CMIP: variants seen among roughly 807,000 people sequenced by gnomAD.
CMIP encodes c-Maf inducing protein.
A neutral mutation model predicts 97.3 loss-of-function variants in CMIP; 13 were observed. The ratio of observed to expected loss-of-function variants is 0.13; its 90% CI spans 0.09 to 0.21. CMIP has a LOEUF of 0.21. CMIP is among the 10% of genes least tolerant of loss of function. The pLI is 1.00. For missense variants in CMIP, 847 were observed against 1,024.9 expected (o/e 0.83, Z 2.37); for synonymous variants, 538 against 436.3 (o/e 1.23, Z -2.91).
At chr16:81,518,201 C>T (rs1240917911) in intron 1 of CMIP, 1 of 152,232 alleles carries the variant, frequency 6.6e-6, no homozygotes, top group East Asian at 1.9e-4. Context: ...ATTTGGCTCT[C>T]ACTTTGGTCG....
chr16:81,669,730 C>T (rs1307400623), intron 7 of CMIP, among the ~76,000 whole-genome samples: 1 of 149,728 alleles, frequency 6.7e-6, no homozygotes, highest in Non-Finnish European at 1.5e-5. Context: ...CTCACACTCA[C>T]CTCCTTCCAC....
At chr16:81,485,075 G>A (rs1384290588) in intron 1 of CMIP, among the ~76,000 whole-genome samples, 1 of 152,134 alleles carries the variant, frequency 6.6e-6, no homozygotes, top group Non-Finnish European at 1.5e-5. Flanking sequence ...CACCCCCAGA[G>A]GTTGAGATTC....
At chr16:81,540,392 T>G (rs2090425806) in intron 1 of CMIP, among the ~76,000 whole-genome samples, 1 of 152,144 alleles carries the variant, frequency 6.6e-6, no homozygotes, top group Non-Finnish European at 1.5e-5. Flanking sequence ...AGCCTTGACC[T>G]CCCAGGCTCA....
intron 1 of CMIP, among the ~76,000 whole-genome samples, chr16:81,605,186 G>C (rs1258078545): frequency 6.6e-6 from 1 of 152,182 alleles, no homozygotes; most frequent in Non-Finnish European, 1.5e-5. Context: ...ACAGTGCACG[G>C]GATGCTGGAA....
At chr16:81,660,116 G>A (rs570107023) in intron 5 of CMIP, among the ~76,000 whole-genome samples, 4 of 151,936 alleles carry the variant, frequency 2.6e-5, no homozygotes, top group Non-Finnish European at 4.4e-5. Context: ...GCTGTGGTCC[G>A]GCTCACTATG....
At chr16:81,569,967 TCA>T (rs2091054936) in intron 1 of CMIP, among the ~76,000 whole-genome samples, 1 of 152,114 alleles carries the variant, frequency 6.6e-6, no homozygotes, top group Non-Finnish European at 1.5e-5. Flanking sequence ...ATTCATTCAT[TCA>T]TTCATTCAGC....
intron 9 of CMIP, among the ~76,000 whole-genome samples, chr16:81,677,728 C>G (rs1173262908): frequency 6.6e-6 from 1 of 152,180 alleles, no homozygotes; most frequent in African/African-American, 2.4e-5. Flanking sequence ...TGGAGGGTTA[C>G]CCAGGAGGAG....
intron 3 of CMIP, among the ~76,000 whole-genome samples, chr16:81,650,416 T>C (rs1318969697): frequency 6.6e-6 from 1 of 151,242 alleles, no homozygotes; most frequent in Non-Finnish European, 1.5e-5. Flanking sequence ...ATGAAAGAAC[T>C]AGAGAGAAGG....
At chr16:81,688,660 CTG>C (rs1282511136) in intron 10 of CMIP, among the ~76,000 whole-genome samples, 1 of 152,080 alleles carries the variant, frequency 6.6e-6, no homozygotes, top group Non-Finnish European at 1.5e-5. Flanking sequence ...AGCATCAACT[CTG>C]TTTTTTTTTA....
At chr16:81,495,460 C>G (rs2089472263) in intron 1 of CMIP, 1 of 1,612,416 alleles carries the variant, frequency 6.2e-7, no homozygotes, top group South Asian at 1.1e-5. Context: ...GATCTCCGCC[C>G]TGGCGTCCGG....
At chr16:81,473,707 T>A (rs1020858098) in intron 1 of CMIP, among the ~76,000 whole-genome samples, 5 of 152,052 alleles carry the variant, frequency 3.3e-5, no homozygotes, top group African/African-American at 1.2e-4. Context: ...GGGCCTGCCT[T>A]TGGGGGACGC....
chr16:81,551,949 G>A (rs1455217837), intron 1 of CMIP, among the ~76,000 whole-genome samples: 3 of 152,212 alleles, frequency 2.0e-5, no homozygotes, highest in Non-Finnish European at 4.4e-5. Context: ...CACCATGGAC[G>A]CTGTTCCCCA....
chr16:81,479,480 G>A (rs1261652549), intron 1 of CMIP, among the ~76,000 whole-genome samples: 2 of 151,948 alleles, frequency 1.3e-5, no homozygotes, highest in Non-Finnish European at 2.9e-5. Flanking sequence ...AACTGAAACT[G>A]TCCCCATTAA....
intron 20 of CMIP, among the ~76,000 whole-genome samples, chr16:81,708,996 T>A (rs533473234): frequency 1.3e-5 from 2 of 152,232 alleles, no homozygotes; most frequent in East Asian, 3.9e-4. Flanking sequence ...ATGAGGCCAG[T>A]TAGGAGGCAG....
At chr16:81,682,059 C>T (rs534244672) in intron 10 of CMIP, among the ~76,000 whole-genome samples, 29 of 152,032 alleles carry the variant, frequency 1.9e-4, no homozygotes, top group African/African-American at 6.5e-4. Flanking sequence ...AAATATTAGC[C>T]GGGTGTGGTG....
At chr16:81,630,683 TC>T (rs1272394005) in intron 3 of CMIP, 1 of 151,924 alleles carries the variant, frequency 6.6e-6, no homozygotes, top group Non-Finnish European at 1.5e-5. Flanking sequence ...TCGGCCTTGA[TC>T]CCCTTCCAGG....
intron 1 of CMIP, among the ~76,000 whole-genome samples, chr16:81,494,671 G>C (rs2089459132): frequency 6.6e-6 from 1 of 151,774 alleles, no homozygotes. Flanking sequence ...TCACACAGCA[G>C]GACATGGTAG....
At chr16:81,517,451 C>T (rs541462350) in intron 1 of CMIP, among the ~76,000 whole-genome samples, 318 of 152,294 alleles carry the variant, frequency 2.1e-3, no homozygotes, top group Admixed American at 4.1e-3. Context: ...CACACAAATG[C>T]ATAACACAAA....
intron 1 of CMIP, among the ~76,000 whole-genome samples, chr16:81,486,796 G>A (rs895142592): frequency 1.3e-5 from 2 of 152,256 alleles, no homozygotes; most frequent in African/African-American, 4.8e-5. Context: ...TTGGAAGCCC[G>A]GCCCCAACAG....
Sources: gnomAD v4.1 joint callset for allele counts (sites outside exome capture counted in the v4.1 genomes callset) on GRCh38, gnomAD v4.1.1 for gene constraint, MANE v1.5 for transcripts, NCBI Gene and HGNC (gene_info 2026-07-23, HGNC 2026-07-21) for gene names.